VPS35L: variants seen among roughly 807,000 people sequenced by gnomAD.
VPS35L encodes VPS35 endosomal protein-sorting factor-like.
A neutral mutation model predicts 133.0 loss-of-function variants in VPS35L; 83 were observed. The ratio of observed to expected loss-of-function variants is 0.62; its 90% CI spans 0.52 to 0.75. The LOEUF (loss-of-function observed/expected upper bound fraction) is 0.75, where lower values mean the gene tolerates loss of function less well. Among genes scored for constraint, VPS35L ranks in the 30% least tolerant of loss-of-function variants. VPS35L has a pLI of 0.00. For missense variants in VPS35L, 1,083 were observed against 1,206.8 expected (o/e 0.90, Z 1.52); for synonymous variants, 423 against 449.9 (o/e 0.94, Z 0.76).
chr16:19,575,048 A>G (rs1971487963), intron 4 of VPS35L, 50 bp from the exon 5 acceptor site: 1 of 1,491,428 alleles, frequency 6.7e-7, no homozygotes, highest in East Asian at 2.3e-5. Context: ...AAAACAATGA[A>G]CATACTGCCT....
chr16:19,558,335 A>G (rs972860734), intron 1 of VPS35L, among the ~76,000 whole-genome samples: 10 of 152,382 alleles, frequency 6.6e-5, no homozygotes, highest in Admixed American at 2.0e-4. Flanking sequence ...AGAGAGATGA[A>G]GCAGTTTACT....
chr16:19,691,741 A>G (rs1225920495), intron 29 of VPS35L, among the ~76,000 whole-genome samples: 3 of 152,040 alleles, frequency 2.0e-5, no homozygotes, highest in African/African-American at 7.2e-5. Context: ...ACCCTGTCTG[A>G]AGGAGCCACC....
At chr16:19,684,663 GAC>G (rs1484849255) in intron 28 of VPS35L, among the ~76,000 whole-genome samples, 23 of 152,334 alleles carry the variant, frequency 1.5e-4, no homozygotes, top group Admixed American at 7.2e-4. Context: ...GATCCAGAAA[GAC>G]AATGTGATAT....
chr16:19,618,604 G>A (rs1046064504), intron 14 of VPS35L, among the ~76,000 whole-genome samples: 7 of 152,198 alleles, frequency 4.6e-5, no homozygotes, highest in Non-Finnish European at 7.3e-5. Flanking sequence ...CTCTGGAGTC[G>A]GGGTGCCTGG....
intron 14 of VPS35L, among the ~76,000 whole-genome samples, chr16:19,624,104 G>C (rs1054900551): frequency 7.4e-6 from 1 of 136,032 alleles, no homozygotes; most frequent in Non-Finnish European, 1.5e-5. Context: ...GTGCCTACCA[G>C]GTCTTTTTTT....
intron 5 of VPS35L, among the ~76,000 whole-genome samples, chr16:19,576,657 C>T (rs1039634109): frequency 6.6e-5 from 10 of 152,090 alleles, no homozygotes; most frequent in Non-Finnish European, 1.2e-4. Flanking sequence ...TGGCAGCTGC[C>T]ACTCTCCCCA....
Position 19,699,778 on chromosome 16 carries a change from T to C in VPS35L, c.2793+130T>C. ...CCTTTTAGAAAAGCACTTGGTCCAT[T>C]TCTACTGGATCACTTCCTAGCAGTA... On this transcript the variant is annotated intron_variant, in intron 30 of 30. Coordinates refer to ENST00000417362, the MANE Select transcript of VPS35L (RefSeq NM_020314.7). This position sits in a 1 kb window ranked among gnomAD's most constrained non-coding sequence, Gnocchi z 4.2. The C allele has an allele frequency of 2.4e-6, 3 of 1,228,998 alleles. No homozygotes were observed. Among genetic ancestry groups the C allele is most frequent in the Non-Finnish European group, 2.3e-6 (2 of 883,506 alleles). The allele number at this position is 1,228,998 out of a possible 1,614,324, so 76.1% of individuals were successfully genotyped here.
intron 5 of VPS35L, chr16:19,578,333 C>T: frequency 2.2e-6 from 1 of 445,310 alleles, no homozygotes; most frequent in South Asian, 1.6e-5. Flanking sequence ...GAGATCGCGC[C>T]ACCGCACTCC....
At chr16:19,628,486 G>A in intron 16 of VPS35L, 151 bp from the exon 17 acceptor site, 2 of 495,300 alleles carry the variant, frequency 4.0e-6, no homozygotes, top group East Asian at 6.3e-5. Flanking sequence ...AGCTGGGGCA[G>A]ATATGTGTGA....
At position 19,699,814 on chromosome 16, in the gene VPS35L, C is replaced by G. The variant is rs1976051556; in HGVS notation, c.2793+166C>G. Among the ~76,000 whole-genome samples the G allele has an allele frequency of 6.6e-6, 1 of 152,184 alleles. No homozygotes were observed. The highest frequency in any genetic ancestry group is 2.4e-5 in the African/African-American group (1 of 41,448). On this transcript the variant is annotated intron_variant, in intron 30 of 30. Transcript: ENST00000417362. This position sits in a 1 kb window ranked among gnomAD's most constrained non-coding sequence, Gnocchi z 4.2. ...CACTTCCTAGCAGTAAAAAGCAGAG[C>G]TGGCCAGGTGTGGCAGCTCATGCCT...
chr16:19,620,237 A>G (rs1973033194), intron 14 of VPS35L, among the ~76,000 whole-genome samples: 2 of 152,186 alleles, frequency 1.3e-5, no homozygotes, highest in Admixed American at 6.5e-5. Flanking sequence ...TAATCTGGAG[A>G]TCACCTTAAA....
chr16:19,589,413 T>G (rs1408170956), intron 7 of VPS35L, among the ~76,000 whole-genome samples: 1 of 152,068 alleles, frequency 6.6e-6, no homozygotes, highest in African/African-American at 2.4e-5. Context: ...CTGGATAATT[T>G]TTGTATTTTT....
chr16:19,674,946 CT>C (rs1288126167), intron 27 of VPS35L, among the ~76,000 whole-genome samples: 7 of 143,162 alleles, frequency 4.9e-5, no homozygotes, highest in African/African-American at 1.3e-4. Flanking sequence ...GTTTTCTTTT[CT>C]TTTCTTTCTT....
At chr16:19,587,360 T>G (rs778126037) in intron 7 of VPS35L, 4 of 453,322 alleles carry the variant, frequency 8.8e-6, no homozygotes, top group Admixed American at 2.4e-5. Flanking sequence ...CTGGGCGTGG[T>G]GGCTCATGCC....
chr16:19,678,604 A>G (rs1975145501), intron 27 of VPS35L, among the ~76,000 whole-genome samples: 1 of 151,740 alleles, frequency 6.6e-6, no homozygotes, highest in South Asian at 2.1e-4. Context: ...CAGCCTCCCA[A>G]GTATCTGGGA....
At chr16:19,672,394 G>A (rs560567995) in intron 27 of VPS35L, among the ~76,000 whole-genome samples, 1 of 152,370 alleles carries the variant, frequency 6.6e-6, no homozygotes, top group South Asian at 2.1e-4. Context: ...GTGATGATAT[G>A]TTCCAAAATT....
At chr16:19,564,991 C>A in intron 2 of VPS35L, 41 bp downstream of exon 2, 1 of 1,429,380 alleles carries the variant, frequency 7.0e-7, no homozygotes, top group South Asian at 1.2e-5. Context: ...TATTCTTATC[C>A]CTTGAAATGA....
chr16:19,625,466 T>C (rs1973232571), intron 14 of VPS35L, among the ~76,000 whole-genome samples: 1 of 152,166 alleles, frequency 6.6e-6, no homozygotes, highest in Non-Finnish European at 1.5e-5. Context: ...ATTATCGTTC[T>C]CATTCATGCC....
At chr16:19,636,151 G>T (rs1453821314) in intron 19 of VPS35L, among the ~76,000 whole-genome samples, 1 of 152,040 alleles carries the variant, frequency 6.6e-6, no homozygotes, top group Admixed American at 6.5e-5. Context: ...ATGCCACACT[G>T]CATGCCAGCC....
Sources: gnomAD v4.1 joint callset for allele counts (sites outside exome capture counted in the v4.1 genomes callset) on GRCh38, gnomAD v4.1.1 for gene constraint, Gnocchi (gnomAD v3.1) non-coding constraint, MANE v1.5 for transcripts, NCBI Gene and HGNC (gene_info 2026-07-23, HGNC 2026-07-21) for gene names.